SMG6: variants seen among roughly 807,000 people sequenced by gnomAD.
The protein encoded by SMG6 is telomerase-binding protein EST1A.
Under a neutral mutation model 142.2 loss-of-function variants are expected in SMG6, and 66 were observed. The ratio of observed to expected loss-of-function variants is 0.46; its 90% CI spans 0.38 to 0.57. SMG6 has a LOEUF of 0.57. Ranked by LOEUF, SMG6 falls within the 20% of genes least tolerant of loss-of-function variation. SMG6 has a pLI of 0.00. For missense variants in SMG6, 1,793 were observed against 1,832.0 expected (o/e 0.98, Z 0.39); for synonymous variants, 779 against 702.4 (o/e 1.11, Z -1.72).
At chr17:2,159,861 A>AAT (rs1363719063) in intron 13 of SMG6, among the ~76,000 whole-genome samples, 1 of 152,264 alleles carries the variant, frequency 6.6e-6, no homozygotes, top group Non-Finnish European at 1.5e-5. Flanking sequence ...TATAATGCCC[A>AAT]ATATGGATGA....
chr17:2,102,168 C>G (rs2069026017), intron 13 of SMG6, among the ~76,000 whole-genome samples: 1 of 152,112 alleles, frequency 6.6e-6, no homozygotes, highest in Non-Finnish European at 1.5e-5. Flanking sequence ...CTCTGAAGAT[C>G]TATATTCCTA....
intron 6 of SMG6, among the ~76,000 whole-genome samples, chr17:2,291,211 G>A (rs1300058031): frequency 5.3e-5 from 8 of 152,056 alleles, no homozygotes; most frequent in African/African-American, 1.7e-4. Flanking sequence ...GGCGCCTGTA[G>A]TCCCAGCTAC....
Position 2,300,056 on chromosome 17 carries a change from G to A in SMG6, c.697C>T (p.Pro233Ser). 6.2e-7 allele frequency: 1 copy of A among 1,614,132 alleles called. No individual in the cohort carries two copies. The highest frequency in any genetic ancestry group is 8.5e-7 in the Non-Finnish European group (1 of 1,180,012). The change falls in exon 2 of 19, where the codon CCA becomes TCA. Residue 233 changes from proline to serine, a missense_variant. Physicochemically the swap from Pro to Ser is moderately conservative, Grantham distance 74. This residue lies in a region of SMG6 where 1,597 missense variants were observed against 1,584.6 expected (regional missense o/e 1.01). Transcript: ENST00000263073. ...GCGGAGCCCGGCCTCCCGCGGGCTG[G>A]GTCGTCGTGGGTTTCCCTCACCCCC... Reference protein sequence around the residue: ...GEGVRETHDDPARGRPGSAKR... With the variant: ...GEGVRETHDDSARGRPGSAKR...
chr17:2,207,980 C>T (rs1374601839), intron 10 of SMG6, among the ~76,000 whole-genome samples: 1 of 152,044 alleles, frequency 6.6e-6, no homozygotes. Context: ...GGGCCCCACA[C>T]TTGCCGGGTG....
At chr17:2,208,076 C>CAAT (rs2072741666) in intron 10 of SMG6, among the ~76,000 whole-genome samples, 1 of 152,184 alleles carries the variant, frequency 6.6e-6, no homozygotes, top group Middle Eastern at 3.4e-3. Flanking sequence ...CTGCAGTGAG[C>CAAT]AATGTTCGTG....
chr17:2,291,939 T>TAC (rs757674699), intron 6 of SMG6, among the ~76,000 whole-genome samples: 5 of 151,320 alleles, frequency 3.3e-5, no homozygotes, highest in Non-Finnish European at 7.4e-5. Flanking sequence ...CTCTGGTACC[T>TAC]ACCACTGGTC....
intron 2 of SMG6, 27 bp downstream of exon 2, chr17:2,298,879 C>T (rs2075204523): frequency 1.3e-6 from 2 of 1,583,968 alleles, no homozygotes; most frequent in Admixed American, 3.5e-5. Context: ...CCCCATTTCC[C>T]TCCAGCCAGA....
In SMG6 at chr17:2,065,470, G is replaced by C; in HGVS notation, c.4045C>G (p.Leu1349Val). The change falls in exon 17 of 19, where the codon CTG becomes GTG. Residue 1349 changes from leucine (L) to valine (V), a missense_variant and splice_region_variant. Leu to Val is a conservative substitution (Grantham distance 32). This residue lies in a region of SMG6 where 179 missense variants were observed against 212.6 expected (regional missense o/e 0.84). Transcript: ENST00000263073. ...CCCTTCCTGCCACAGGGTCTCACCA[G>C]CTGGCCAGTGATGTCCTCACTGCGG... ...AFRSEDITGQLGNNDDLILSC... is the reference protein window; with the variant it reads ...AFRSEDITGQVGNNDDLILSC... 1 of 1,611,614 alleles carries C rather than the reference G, an allele frequency of 6.2e-7. No individual in the cohort carries two copies. The highest frequency in any genetic ancestry group is 8.5e-7 in the Non-Finnish European group (1 of 1,179,644).
At chr17:2,174,436 T>C (rs1047291286) in intron 12 of SMG6, among the ~76,000 whole-genome samples, 1 of 152,202 alleles carries the variant, frequency 6.6e-6, no homozygotes, top group African/African-American at 2.4e-5. Flanking sequence ...GTATGGGAAC[T>C]CCCTGACTGG....
intron 13 of SMG6, among the ~76,000 whole-genome samples, chr17:2,091,874 A>G (rs143622524): frequency 0.03 from 4,519 of 149,898 alleles, 197 homozygotes; most frequent in African/African-American, 0.094. Context: ...AGTAGAGACG[A>G]GGTTTCACCG....
chr17:2,228,418 G>C (rs1180867825), intron 10 of SMG6, among the ~76,000 whole-genome samples: 2 of 151,544 alleles, frequency 1.3e-5, no homozygotes, highest in Non-Finnish European at 2.9e-5. Flanking sequence ...TAGTAGAGAT[G>C]GGGTTTCACC....
intron 13 of SMG6, among the ~76,000 whole-genome samples, chr17:2,133,354 A>T (rs1024680459): frequency 2.6e-5 from 4 of 152,102 alleles, no homozygotes; most frequent in African/African-American, 7.2e-5. Flanking sequence ...GGAGAGAGAG[A>T]ACTTATGTTT....
chr17:2,262,922 C>T (rs879756156), intron 8 of SMG6, among the ~76,000 whole-genome samples: 4 of 151,984 alleles, frequency 2.6e-5, no homozygotes, highest in Middle Eastern at 3.2e-3. Flanking sequence ...GGAGGTTTTA[C>T]AGCAAAATGG....
intron 8 of SMG6, among the ~76,000 whole-genome samples, chr17:2,249,906 G>A (rs1330273328): frequency 6.6e-6 from 1 of 152,154 alleles, no homozygotes; most frequent in African/African-American, 2.4e-5. Context: ...TAGGTCTCTG[G>A]ACACACAATA....
At chr17:2,201,886 T>C (rs1471143676) in intron 10 of SMG6, among the ~76,000 whole-genome samples, 3 of 151,840 alleles carry the variant, frequency 2.0e-5, no homozygotes, top group Non-Finnish European at 4.4e-5. Flanking sequence ...CAGCCGGGCA[T>C]GGTGGCAGGT....
intron 13 of SMG6, among the ~76,000 whole-genome samples, chr17:2,090,749 C>A (rs188660329): frequency 3.3e-5 from 5 of 152,222 alleles, no homozygotes; most frequent in Non-Finnish European, 7.3e-5. Flanking sequence ...GGTTTCCCCC[C>A]ACAAACTCAA....
intron 4 of SMG6, among the ~76,000 whole-genome samples, chr17:2,293,623 C>T (rs1038542208): frequency 1.3e-5 from 2 of 152,096 alleles, no homozygotes; most frequent in Non-Finnish European, 2.9e-5. Flanking sequence ...GCATGCGCCA[C>T]CATGCCTGGC....
chr17:2,298,869 C>T (rs755563478), intron 2 of SMG6, 37 bp downstream of exon 2: 5 of 1,572,072 alleles, frequency 3.2e-6, no homozygotes, highest in South Asian at 1.2e-5. Flanking sequence ...TCCGGCTGAT[C>T]CCCATTTCCC....
In SMG6 at chr17:2,292,586, G is replaced by T; in HGVS notation, c.2303C>A (p.Pro768His). 1 of 1,614,188 alleles carries T rather than the reference G, an allele frequency of 6.2e-7. No individual in the cohort carries two copies. The highest frequency in any genetic ancestry group is 8.5e-7 in the Non-Finnish European group (1 of 1,180,028). ...TGCCAGCAAAGCCAACTGGTTATAGGGGCGCCCATTCTTGGGAGCAATGTG... is the reference window on the plus strand; with the variant it reads ...TGCCAGCAAAGCCAACTGGTTATAGTGGCGCCCATTCTTGGGAGCAATGTG... ...AQHIAPKNGRPYNQLALLAVY... is the reference protein window; with the variant it reads ...AQHIAPKNGRHYNQLALLAVY... The change falls in exon 6 of 19, where the codon CCC (proline) becomes CAC (histidine). Residue 768 changes from proline (P) to histidine (H), a missense_variant. By Grantham distance (77) the Pro-to-His change is moderately conservative. Coordinates refer to ENST00000263073, the MANE Select transcript of SMG6 (RefSeq NM_017575.5).
Sources: allele counts gnomAD v4.1 joint callset (sites outside exome capture counted in the v4.1 genomes callset), GRCh38; gene constraint gnomAD v4.1.1; regional missense constraint gnomAD v4.1.1; transcripts MANE v1.5; gene names NCBI Gene and HGNC (gene_info 2026-07-23, HGNC 2026-07-21).